The following RHOU variants were observed in gnomAD, a reference collection of about 807,000 sequenced individuals.
The protein encoded by RHOU is ras homolog family member U, also known as rho-related GTP-binding protein RhoU.
In RHOU, 8 loss-of-function variants were observed where a neutral mutation model predicts 12.6. The observed-to-expected ratio is 0.64, with a 90% CI of 0.37 to 1.15. The LOEUF (loss-of-function observed/expected upper bound fraction) is 1.15, where lower values mean the gene tolerates loss of function less well. Among genes scored for constraint, RHOU ranks in the 50% most tolerant of loss-of-function variants. RHOU has a pLI of 0.01. For synonymous variants in RHOU, 161 were observed against 147.4 expected (o/e 1.09, Z -0.67); for missense variants, 258 against 347.0 (o/e 0.74, Z 2.04).
At chr1:228,697,819 T>A in the RHOU span, among the ~76,000 whole-genome samples, 1 of 152,176 alleles carries the variant, frequency 6.6e-6, no homozygotes, top group African/African-American at 2.4e-5. Context: ...CATGGGTAGT[T>A]AGAACTAAGC....
At chr1:228,687,413 C>T in the RHOU span, 1 of 1,176,758 alleles carries the variant, frequency 8.5e-7, no homozygotes, top group African/African-American at 1.5e-5. Context: ...AACATGCATG[C>T]ACTGCCTTGA....
At chr1:228,677,447 G>A in the RHOU span, among the ~76,000 whole-genome samples, 3 of 152,048 alleles carry the variant, frequency 2.0e-5, no homozygotes, top group Non-Finnish European at 4.4e-5. Context: ...TCATATACCA[G>A]GCCAGATTGA....
chr1:228,676,666 G>A, the RHOU span, among the ~76,000 whole-genome samples: 2 of 152,192 alleles, frequency 1.3e-5, no homozygotes, highest in Non-Finnish European at 2.9e-5. Context: ...GAGAGTCAGT[G>A]AAGGGTGGTG....
the RHOU span, among the ~76,000 whole-genome samples, chr1:228,691,414 C>G: frequency 6.6e-6 from 1 of 151,172 alleles, no homozygotes; most frequent in Non-Finnish European, 1.5e-5. Flanking sequence ...TCATCCCTCC[C>G]TCCCTCCCTC....
the RHOU span, among the ~76,000 whole-genome samples, chr1:228,684,480 C>G: frequency 5.3e-5 from 8 of 149,882 alleles, no homozygotes; most frequent in African/African-American, 7.6e-5. Context: ...AGGCGTGCAC[C>G]ACCATGCCCG....
the RHOU span, among the ~76,000 whole-genome samples, chr1:228,672,838 T>C: frequency 6.6e-6 from 1 of 152,170 alleles, no homozygotes; most frequent in African/African-American, 2.4e-5. Context: ...CTGCCTAGTA[T>C]TACCCAGCAA....
At chr1:228,732,572 G>A (rs1662516802), upstream of RHOU, among the ~76,000 whole-genome samples, 1 of 152,154 alleles carries the variant, frequency 6.6e-6, no homozygotes, top group Admixed American at 6.5e-5. Context: ...GATTTCCTAT[G>A]TTGCCTACAG....
the RHOU span, among the ~76,000 whole-genome samples, chr1:228,646,642 G>C: frequency 6.8e-3 from 982 of 143,830 alleles, 7 homozygotes; most frequent in African/African-American, 0.019. Flanking sequence ...GTTTTGCCCC[G>C]GGCTGGCACT....
At chr1:228,680,226 T>C in the RHOU span, among the ~76,000 whole-genome samples, 1 of 152,114 alleles carries the variant, frequency 6.6e-6, no homozygotes, top group African/African-American at 2.4e-5. Flanking sequence ...GCATCAGATC[T>C]GGAAGGAGTT....
At chr1:228,720,877 C>A in the RHOU span, among the ~76,000 whole-genome samples, 2 of 152,182 alleles carry the variant, frequency 1.3e-5, no homozygotes, top group Non-Finnish European at 2.9e-5. Context: ...CGCACCCCTA[C>A]CAGATGTTCC....
chr1:228,739,824 C>G (rs1309363414), intron 2 of RHOU, among the ~76,000 whole-genome samples: 1 of 152,216 alleles, frequency 6.6e-6, no homozygotes, highest in Non-Finnish European at 1.5e-5. Context: ...GGGTTTCATG[C>G]CCAGTGCCCA....
chr1:228,695,807 G>A, the RHOU span, among the ~76,000 whole-genome samples: 3 of 152,132 alleles, frequency 2.0e-5, no homozygotes, highest in Non-Finnish European at 2.9e-5. Flanking sequence ...TTATGTGGGC[G>A]TGATTGATTA....
chr1:228,728,560 A>C, the RHOU span, among the ~76,000 whole-genome samples: 1 of 152,254 alleles, frequency 6.6e-6, no homozygotes, highest in Non-Finnish European at 1.5e-5. Context: ...AGTGTTATTT[A>C]ATTCAAAAAG....
At chr1:228,651,050 G>C in the RHOU span, 1 of 266,644 alleles carries the variant, frequency 3.8e-6, no homozygotes, top group South Asian at 5.4e-5. Context: ...CATCTGCATG[G>C]CTTCCCTCAT....
the RHOU span, among the ~76,000 whole-genome samples, chr1:228,706,119 C>A: frequency 4.1e-4 from 63 of 152,252 alleles, 1 homozygote; most frequent in South Asian, 0.011. Context: ...ACTTCAGAAT[C>A]TGAGAGAGAA....
the RHOU span, among the ~76,000 whole-genome samples, chr1:228,652,208 T>C: frequency 5.9e-5 from 9 of 152,242 alleles, no homozygotes; most frequent in Non-Finnish European, 8.8e-5. Flanking sequence ...AAAGGGTACT[T>C]GCTGTGTATC....
the RHOU span, among the ~76,000 whole-genome samples, chr1:228,649,635 CTTTTGATA>C: frequency 3.8e-4 from 58 of 152,150 alleles, no homozygotes; most frequent in African/African-American, 1.2e-3. Flanking sequence ...TGTTTTTAAC[CTTTTGATA>C]TTTTGGCAAG....
the RHOU span, among the ~76,000 whole-genome samples, chr1:228,655,940 C>A: frequency 6.6e-6 from 1 of 152,172 alleles, no homozygotes; most frequent in Non-Finnish European, 1.5e-5. Context: ...GCACAAAGAC[C>A]ACAGCCTTAC....
the RHOU span, among the ~76,000 whole-genome samples, chr1:228,671,897 T>C: frequency 6.6e-6 from 1 of 152,196 alleles, no homozygotes; most frequent in Non-Finnish European, 1.5e-5. Context: ...ATAGATCTTG[T>C]GATTATACAT....
Sources: gnomAD v4.1 joint callset for allele counts (sites outside exome capture counted in the v4.1 genomes callset) on GRCh38, gnomAD v4.1.1 for gene constraint, MANE v1.5 for transcripts, NCBI Gene and HGNC (gene_info 2026-07-23, HGNC 2026-07-21) for gene names.